The following HNRNPR variants were observed in gnomAD, a reference collection of about 807,000 sequenced individuals.
HNRNPR encodes the protein heterogeneous nuclear ribonucleoprotein R.
In HNRNPR, 4 loss-of-function variants were observed where a neutral mutation model predicts 70.3. The ratio of observed to expected loss-of-function variants is 0.06; its 90% CI spans 0.03 to 0.13. HNRNPR has a LOEUF of 0.13. Ranked by LOEUF, HNRNPR falls within the 10% of genes least tolerant of loss-of-function variation. HNRNPR has a pLI of 1.00. For missense variants in HNRNPR, 423 were observed against 788.5 expected, an observed-to-expected ratio of 0.54 and a Z score of 5.55; for synonymous variants, 241 against 267.6, an observed-to-expected ratio of 0.90 and a Z score of 0.97.
rs1486181305 is a variant in HNRNPR at position 23,309,271 on chromosome 1, C to T, written c.*1183G>A. The T allele has an allele frequency of 6.6e-6, 1 of 152,148 alleles. No homozygotes were observed. Among genetic ancestry groups the T allele is most frequent in the Non-Finnish European group, 1.5e-5 (1 of 67,982 alleles). 9.4% of individuals were successfully genotyped at this position (152,148 alleles called of 1,614,324 possible). A position where few individuals can be genotyped will look rare whatever the true frequency, so the allele number is the denominator to read the frequency against. ...AGTAATAGGAAATTATATTCCTAAA[C>T]CAGTAACTGAAATGGTAGTCACGAT... is the stretch of plus-strand genomic sequence containing the variant. On this transcript the variant is annotated 3_prime_UTR_variant, in exon 11 of 11. Coordinates refer to ENST00000302271, the MANE Select transcript of HNRNPR (RefSeq NM_005826.5).
chr1:23,319,830 A>G (rs574245878), intron 7 of HNRNPR, among the ~76,000 whole-genome samples: 75 of 152,110 alleles, frequency 4.9e-4, no homozygotes, highest in African/African-American at 1.7e-3. Flanking sequence ...TTGCCTTGGA[A>G]CCTTGGCACG....
intron 1 of HNRNPR, among the ~76,000 whole-genome samples, chr1:23,343,513 T>A (rs1000364510): frequency 6.6e-6 from 1 of 152,268 alleles, no homozygotes; most frequent in Middle Eastern, 3.4e-3. Flanking sequence ...GCCACTACCG[T>A]GTAAGAAAAA....
chr1:23,341,980 CAG>C (rs1353239019), intron 1 of HNRNPR, among the ~76,000 whole-genome samples: 1 of 152,100 alleles, frequency 6.6e-6, no homozygotes. Context: ...CCTCAAAAGA[CAG>C]GGAATTAAAG....
chr1:23,324,189 A>G (rs939314210), intron 5 of HNRNPR, among the ~76,000 whole-genome samples: 3 of 151,768 alleles, frequency 2.0e-5, no homozygotes, highest in Non-Finnish European at 2.9e-5. Context: ...TTAAAAATAA[A>G]AATGAATAAA....
intron 1 of HNRNPR, among the ~76,000 whole-genome samples, chr1:23,343,963 G>A (rs949684360): frequency 6.6e-6 from 1 of 152,158 alleles, no homozygotes; most frequent in Non-Finnish European, 1.5e-5. Context: ...GCCGCGCGGA[G>A]AGCGCCCAGC....
Position 23,313,618 on chromosome 1 carries a change from C to T in HNRNPR, c.1102G>A (p.Glu368Lys). The change falls in exon 9 of 11, where the codon GAA (glutamate) becomes AAA (lysine). Residue 368 changes from glutamate (E) to lysine (K), a missense_variant. Glu to Lys is a moderately conservative substitution (Grantham distance 56). Coordinates refer to ENST00000302271, the MANE Select transcript of HNRNPR (RefSeq NM_005826.5). ...EKSFSEFGKL[E>K]RVKKLKDYAF... ...TAATCTTTCAACTTCTTTACTCTTT[C>T]GAGTTTTCCAAATTCAGAAAATGAC... The T allele has an allele frequency of 1.9e-6, 3 of 1,603,058 alleles. No individual in the cohort carries two copies. Among genetic ancestry groups the T allele is most frequent in the Non-Finnish European group, 2.5e-6 (3 of 1,176,910 alleles).
intron 5 of HNRNPR, among the ~76,000 whole-genome samples, chr1:23,328,871 C>T (rs144666067): frequency 4.1e-4 from 62 of 152,320 alleles, no homozygotes; most frequent in African/African-American, 1.4e-3. Flanking sequence ...GTAAACCCAA[C>T]TCTCGAGGAG....
In HNRNPR at chr1:23,309,656, T is replaced by C. The variant is rs1035609464; in HGVS notation, c.*798A>G. On this transcript the variant is annotated 3_prime_UTR_variant, in exon 11 of 11. Coordinates refer to ENST00000302271, the MANE Select transcript of HNRNPR (RefSeq NM_005826.5). ...CTCAGTCTAATATCCACAACACATG[T>C]TGGAATAAACAAGAAATTTTGCATG... 2 of 152,542 alleles carry C rather than the reference T, an allele frequency of 1.3e-5. No homozygotes were observed. Among genetic ancestry groups the C allele is most frequent in the African/African-American group, 4.8e-5 (2 of 41,446 alleles). 9.4% of individuals were successfully genotyped at this position (152,542 alleles called of 1,614,324 possible).
chr1:23,337,883 A>G, intron 3 of HNRNPR, 22 bp from the exon 4 acceptor site: 1 of 1,419,582 alleles, frequency 7.0e-7, no homozygotes, highest in Non-Finnish European at 9.8e-7. Flanking sequence ...AAGTAATTCA[A>G]TAAAAAGAAT....
chr1:23,317,907 G>A (rs1645612702), intron 8 of HNRNPR, among the ~76,000 whole-genome samples: 1 of 151,838 alleles, frequency 6.6e-6, no homozygotes, highest in South Asian at 2.1e-4. Flanking sequence ...TTGAACCTGG[G>A]AGGTGGAGGT....
At chr1:23,323,231 T>A (rs938561552) in intron 6 of HNRNPR, among the ~76,000 whole-genome samples, 1 of 152,200 alleles carries the variant, frequency 6.6e-6, no homozygotes, top group African/African-American at 2.4e-5. Flanking sequence ...AAGTTTAACA[T>A]CAAGAATTGA....
In HNRNPR at chr1:23,306,543, A is replaced by G. The variant is rs1335924677; in HGVS notation, c.*3911T>C. 1 of 152,148 alleles carries G rather than the reference A, an allele frequency of 6.6e-6. No individual in the cohort carries two copies. The highest frequency in any genetic ancestry group is 1.5e-5 in the Non-Finnish European group (1 of 68,026). The allele number at this position is 152,148 out of a possible 1,614,324, so 9.4% of individuals were successfully genotyped here. On this transcript the variant is annotated 3_prime_UTR_variant, in exon 11 of 11. Coordinates refer to ENST00000302271, the MANE Select transcript of HNRNPR (RefSeq NM_005826.5). ...ATAAAAGGAAGGAGTTAAAACAGGA[A>G]AAGTACACTTGCAGATTTCTGGATA...
At chr1:23,317,241 A>T (rs1645580443) in intron 8 of HNRNPR, among the ~76,000 whole-genome samples, 1 of 150,932 alleles carries the variant, frequency 6.6e-6, no homozygotes, top group Non-Finnish European at 1.5e-5. Flanking sequence ...GGCGGTTCAC[A>T]GGGTCAGGAG....
chr1:23,338,240 A>C (rs1161564865), intron 3 of HNRNPR: 2 of 340,076 alleles, frequency 5.9e-6, no homozygotes, highest in Non-Finnish European at 5.3e-6. Flanking sequence ...CTATAGTAAC[A>C]ACCATCAAAA....
chr1:23,313,791 T>C (rs1225988283), intron 8 of HNRNPR, 89 bp from the exon 9 acceptor site: 3 of 1,393,866 alleles, frequency 2.2e-6, no homozygotes, highest in Non-Finnish European at 2.9e-6. Context: ...ATAGCTTTTC[T>C]CCTCTAAAAC....
At chr1:23,333,194 A>G (rs1280133977) in intron 5 of HNRNPR, among the ~76,000 whole-genome samples, 1 of 152,024 alleles carries the variant, frequency 6.6e-6, no homozygotes. Flanking sequence ...GGGGAGGGGA[A>G]AAAAAAAGAC....
intron 9 of HNRNPR, among the ~76,000 whole-genome samples, chr1:23,312,488 T>C (rs978722286): frequency 3.3e-5 from 5 of 152,154 alleles, no homozygotes; most frequent in African/African-American, 7.2e-5. Flanking sequence ...TCTATACCAG[T>C]GAAATTTCAG....
At chr1:23,337,884 T>TA in intron 3 of HNRNPR, 23 bp from the exon 4 acceptor site, 1 of 1,421,930 alleles carries the variant, frequency 7.0e-7, no homozygotes, top group Non-Finnish European at 9.8e-7. Flanking sequence ...AGTAATTCAA[T>TA]AAAAAGAATC....
At chr1:23,323,847 G>A (rs989786937) in intron 5 of HNRNPR, 115 bp from the exon 6 acceptor site, 15 of 801,082 alleles carry the variant, frequency 1.9e-5, no homozygotes, top group Middle Eastern at 3.4e-4. Flanking sequence ...AAGAAAGAAT[G>A]GAAACAATCT....
Sources: allele counts gnomAD v4.1 joint callset (sites outside exome capture counted in the v4.1 genomes callset), GRCh38; gene constraint gnomAD v4.1.1; transcripts MANE v1.5; gene names NCBI Gene and HGNC (gene_info 2026-07-23, HGNC 2026-07-21).